RAB27B: variants seen among roughly 807,000 people sequenced by gnomAD.
RAB27B encodes RAB27B, member RAS oncogene family.
A neutral mutation model predicts 24.6 loss-of-function variants in RAB27B; 15 were observed. That is an observed-to-expected ratio of 0.61 (90% confidence interval 0.41 to 0.94). RAB27B has a LOEUF of 0.94. RAB27B is among the 40% of genes least tolerant of loss of function. The pLI, the probability that RAB27B is intolerant of heterozygous loss-of-function variation, is 0.00. For synonymous variants in RAB27B, 105 were observed against 92.5 expected, an observed-to-expected ratio of 1.14 and a Z score of -0.78; for missense variants, 261 against 266.8, an observed-to-expected ratio of 0.98 and a Z score of 0.15.
chr18:54,811,529 G>A (rs1315369599), intron 2 of RAB27B, among the ~76,000 whole-genome samples: 4 of 152,118 alleles, frequency 2.6e-5, no homozygotes, highest in South Asian at 2.1e-4. Flanking sequence ...GAGGAGGATG[G>A]AGGAATAGTC....
At chr18:54,727,533 C>T (rs748524667) in intron 2 of RAB27B, among the ~76,000 whole-genome samples, 33 of 151,968 alleles carry the variant, frequency 2.2e-4, no homozygotes, top group Non-Finnish European at 3.7e-4. Context: ...TGGGGTGCCT[C>T]GGAGGCAGAT....
Position 54,884,423 on chromosome 18 carries a change from C to A in RAB27B, c.330C>A (p.Val110=). 6.2e-7 allele frequency: 1 copy of A among 1,606,590 alleles called. No homozygotes were observed. Among genetic ancestry groups the A allele is most frequent in the South Asian group, 1.1e-5 (1 of 90,830 alleles). Residue 110 remains valine, a synonymous_variant, in exon 4 of 6, where the codon GTC becomes GTA. Transcript: ENST00000262094. The part of the protein sequence containing the change: ...DLTSQQSFLN[V]RNWMSQLQAN... ...CCAGTCAACAGAGCTTCTTAAATGT[C>A]AGAAACTGGATGAGTAAGTGGGACT... is the stretch of plus-strand genomic sequence containing the variant.
At chr18:54,813,666 G>A (rs1033000504) in intron 2 of RAB27B, among the ~76,000 whole-genome samples, 1 of 152,146 alleles carries the variant, frequency 6.6e-6, no homozygotes, top group Non-Finnish European at 1.5e-5. Context: ...ACAGTCTGCA[G>A]AACCATGAGC....
intron 2 of RAB27B, among the ~76,000 whole-genome samples, chr18:54,820,893 G>T (rs1247401276): frequency 1.4e-5 from 2 of 141,896 alleles, no homozygotes; most frequent in East Asian, 2.3e-4. Flanking sequence ...CCATTTCTTG[G>T]TTTTGTCAGG....
intron 2 of RAB27B, among the ~76,000 whole-genome samples, chr18:54,766,382 A>G (rs908530833): frequency 1.3e-5 from 2 of 152,102 alleles, no homozygotes; most frequent in Admixed American, 1.3e-4. Flanking sequence ...CCAGGTTAGG[A>G]TTTGGGAGAC....
chr18:54,848,749 A>G (rs936426775), intron 1 of RAB27B, among the ~76,000 whole-genome samples: 1 of 152,174 alleles, frequency 6.6e-6, no homozygotes, highest in Non-Finnish European at 1.5e-5. Flanking sequence ...AAAACCATAA[A>G]AAGATTTCAT....
chr18:54,752,843 C>A (rs1451077383), intron 2 of RAB27B, among the ~76,000 whole-genome samples: 1 of 152,120 alleles, frequency 6.6e-6, no homozygotes, highest in Non-Finnish European at 1.5e-5. Flanking sequence ...GGGGAGTCTG[C>A]CCCTTTTTCC....
intron 1 of RAB27B, among the ~76,000 whole-genome samples, chr18:54,866,317 A>G (rs1220129852): frequency 2.0e-5 from 3 of 151,344 alleles, no homozygotes; most frequent in Admixed American, 6.6e-5. Context: ...GCGCTCCAAT[A>G]TGGGGTCTCG....
rs1200285629 is a variant in RAB27B at position 54,894,373 on chromosome 18, A to T, written c.*4960A>T. The T allele has an allele frequency of 1.3e-5, 2 of 151,998 alleles. No homozygotes were observed. The highest frequency in any genetic ancestry group is 2.4e-5 in the African/African-American group (1 of 41,406). The allele number at this position is 151,998 out of a possible 1,614,324, so 9.4% of individuals were successfully genotyped here. A position where few individuals can be genotyped will look rare whatever the true frequency, so the allele number is the denominator to read the frequency against. The stretch of plus-strand genomic sequence containing the variant: ...CCTTCAGCTGACTTTGTCTACAAGG[A>T]TTATTAGCAAATTCTGTAGGAGCAA... On this transcript the variant is annotated 3_prime_UTR_variant, in exon 6 of 6. Transcript: ENST00000262094.
intron 2 of RAB27B, among the ~76,000 whole-genome samples, chr18:54,820,765 C>A (rs1352579900): frequency 6.6e-6 from 1 of 152,142 alleles, no homozygotes; most frequent in Non-Finnish European, 1.5e-5. Context: ...ACATTTAATT[C>A]TTTAATCCAC....
At chr18:54,837,395 T>C (rs1279610085) in intron 1 of RAB27B, among the ~76,000 whole-genome samples, 1 of 152,030 alleles carries the variant, frequency 6.6e-6, no homozygotes, top group Admixed American at 6.5e-5. Flanking sequence ...ACTAAGGCAA[T>C]AGATGGATAA....
At chr18:54,774,038 T>G (rs1349554052) in intron 2 of RAB27B, among the ~76,000 whole-genome samples, 1 of 151,946 alleles carries the variant, frequency 6.6e-6, no homozygotes, top group Non-Finnish European at 1.5e-5. Context: ...ACAACTTCTA[T>G]TTTTTTTCCT....
chr18:54,792,278 C>T (rs1215131889), intron 2 of RAB27B, among the ~76,000 whole-genome samples: 2 of 152,086 alleles, frequency 1.3e-5, no homozygotes, highest in African/African-American at 2.4e-5. Context: ...ACTGAAGAAG[C>T]GAGCCACACC....
chr18:54,806,910 TA>T (rs1244697066), intron 2 of RAB27B, among the ~76,000 whole-genome samples: 1 of 152,164 alleles, frequency 6.6e-6, no homozygotes, highest in Non-Finnish European at 1.5e-5. Flanking sequence ...TTATTTTCTT[TA>T]TTTTTTTATT....
intron 2 of RAB27B, among the ~76,000 whole-genome samples, chr18:54,770,779 T>C (rs1318172149): frequency 6.6e-6 from 1 of 152,162 alleles, no homozygotes; most frequent in African/African-American, 2.4e-5. Flanking sequence ...AGCAGACGTA[T>C]AGTACTTTCT....
intron 1 of RAB27B, among the ~76,000 whole-genome samples, chr18:54,872,488 G>T (rs1912512300): frequency 6.6e-6 from 1 of 151,892 alleles, no homozygotes; most frequent in East Asian, 1.9e-4. Context: ...AGCCAGGCAT[G>T]GTGGTGCATG....
In RAB27B at chr18:54,733,656, C is replaced by CA. The variant is rs1441455758; in HGVS notation, c.-20+15515_-20+15516insA. The stretch of plus-strand genomic sequence containing the variant: ...TGAAATCTTCTGTTCTAGAGCCCCC[C>CA]CCCCCCAAATTTGCTAAGCTCCTTG... On this transcript the variant is annotated intron_variant, in intron 2 of 4. Transcript: ENST00000586570. Among the ~76,000 whole-genome samples, 165 of 134,176 alleles carry CA rather than the reference C, an allele frequency of 1.2e-3. 2 individuals carry two copies. The highest frequency in any genetic ancestry group is 3.7e-3 in the Middle Eastern group (1 of 268). The allele number at this position is 134,176 out of a possible 152,430, so 88.0% of individuals were successfully genotyped here. A position where few individuals can be genotyped will look rare whatever the true frequency, so the allele number is the denominator to read the frequency against.
At chr18:54,859,755 A>AAACACT (rs773657733) in intron 1 of RAB27B, among the ~76,000 whole-genome samples, 8 of 152,242 alleles carry the variant, frequency 5.3e-5, no homozygotes, top group Admixed American at 1.3e-4. Flanking sequence ...TTATATCGGA[A>AAACACT]AACACTAGGT....
At chr18:54,796,052 G>T (rs564303551) in intron 2 of RAB27B, among the ~76,000 whole-genome samples, 1 of 152,220 alleles carries the variant, frequency 6.6e-6, no homozygotes, top group African/African-American at 2.4e-5. Flanking sequence ...GGCAAACACT[G>T]ATCTGCTTTC....
Sources: gnomAD v4.1 joint callset for allele counts (sites outside exome capture counted in the v4.1 genomes callset) on GRCh38, gnomAD v4.1.1 for gene constraint, MANE v1.5 for transcripts, NCBI Gene and HGNC (gene_info 2026-07-23, HGNC 2026-07-21) for gene names.